The following SND1 variants were observed in gnomAD, a reference collection of about 807,000 sequenced individuals.
SND1 encodes staphylococcal nuclease domain-containing protein 1.
Under a neutral mutation model 121.7 loss-of-function variants are expected in SND1, and 38 were observed. The ratio of observed to expected loss-of-function variants is 0.31; its 90% confidence interval spans 0.24 to 0.41. The LOEUF (loss-of-function observed/expected upper bound fraction) is 0.41. Ranked by LOEUF, SND1 falls within the 10% of genes least tolerant of loss-of-function variation. The pLI, the probability that SND1 is intolerant of heterozygous loss-of-function variation, is 1.00. For synonymous variants in SND1, 401 were observed against 447.4 expected (o/e 0.90, Z 1.31); for missense variants, 868 against 1,184.6 (o/e 0.73, Z 3.92).
chr7:127,740,511 G>T (rs920220479), intron 10 of SND1, among the ~76,000 whole-genome samples: 1 of 152,182 alleles, frequency 6.6e-6, no homozygotes, highest in African/African-American at 2.4e-5. Context: ...CCTGCTTTGG[G>T]TCTGACTCTG....
At position 127,895,400 on chromosome 7, in the gene SND1, A is replaced by G. The variant is rs146814763; in HGVS notation, c.1454+7388A>G. Among the ~76,000 whole-genome samples, 139 of 152,230 alleles carry G rather than the reference A, an allele frequency of 9.1e-4. 1 individual carries two copies. The highest frequency in any genetic ancestry group is 3.4e-3 in the Middle Eastern group (1 of 294). ...TTCACCCTCTGCATTACATCATGCC[A>G]GTACAGGTTGAAAGCCAGCACAGAG... On this transcript the variant is annotated intron_variant, in intron 13 of 23. Transcript: ENST00000354725.
intron 12 of SND1, among the ~76,000 whole-genome samples, chr7:127,846,064 A>G (rs1799056177): frequency 2.0e-5 from 3 of 152,114 alleles, no homozygotes; most frequent in Admixed American, 2.0e-4. Flanking sequence ...TGTCTGTTCT[A>G]GTCTGGGTTT....
chr7:128,023,813 G>C (rs1803413357), intron 16 of SND1, among the ~76,000 whole-genome samples: 1 of 152,146 alleles, frequency 6.6e-6, no homozygotes. Flanking sequence ...CTGTTATCTA[G>C]CATTTGCTAT....
At chr7:127,795,490 A>C (rs1432668202) in intron 10 of SND1, among the ~76,000 whole-genome samples, 7 of 152,210 alleles carry the variant, frequency 4.6e-5, no homozygotes. Flanking sequence ...GTCACACATA[A>C]AATATTTTTA....
At chr7:128,031,414 G>A (rs2116988902) in intron 16 of SND1, 4 of 151,926 alleles carry the variant, frequency 2.6e-5, no homozygotes, top group South Asian at 2.1e-4. Flanking sequence ...GGCCGCTCCG[G>A]GCCGGCGGCA....
At chr7:127,821,234 G>T (rs754933884) in intron 11 of SND1, among the ~76,000 whole-genome samples, 2 of 152,242 alleles carry the variant, frequency 1.3e-5, no homozygotes, top group African/African-American at 2.4e-5. Flanking sequence ...ATGGGCCAGT[G>T]TATGTGTGTC....
At chr7:127,701,970 GTGGT>G (rs1387135927) in intron 5 of SND1, among the ~76,000 whole-genome samples, 4 of 152,188 alleles carry the variant, frequency 2.6e-5, no homozygotes, top group Non-Finnish European at 5.9e-5. Context: ...TTTTTGACCT[GTGGT>G]TGGTTGACTC....
At chr7:128,071,649 A>G (rs322837) in intron 16 of SND1, among the ~76,000 whole-genome samples, 108,963 of 152,220 alleles carry the variant, frequency 0.72, 40,493 homozygotes, top group African/African-American at 0.91. Context: ...CCCAGAGTTC[A>G]AGAAGCGTCA....
At chr7:127,657,463 C>G (rs1221447272) in intron 1 of SND1, among the ~76,000 whole-genome samples, 1 of 152,104 alleles carries the variant, frequency 6.6e-6, no homozygotes, top group African/African-American at 2.4e-5. Flanking sequence ...AATGCAAAGC[C>G]CCTGGGGTTT....
chr7:127,664,827 G>A (rs1392053704), intron 1 of SND1, among the ~76,000 whole-genome samples: 3 of 152,188 alleles, frequency 2.0e-5, no homozygotes, highest in African/African-American at 7.2e-5. Context: ...CACCCAGTTG[G>A]TGTCTGCAGA....
intron 14 of SND1, among the ~76,000 whole-genome samples, chr7:127,928,745 T>A (rs1488906164): frequency 1.3e-5 from 2 of 152,068 alleles, no homozygotes; most frequent in African/African-American, 2.4e-5. Context: ...TGTGCCACCA[T>A]GCCCGGCTAA....
intron 16 of SND1, among the ~76,000 whole-genome samples, chr7:128,010,129 G>A (rs912291156): frequency 2.0e-5 from 3 of 152,188 alleles, no homozygotes; most frequent in South Asian, 2.1e-4. Flanking sequence ...CAGGCAGCAC[G>A]CTCCTGACAG....
At chr7:127,659,055 A>G (rs1032223623) in intron 1 of SND1, among the ~76,000 whole-genome samples, 2 of 152,244 alleles carry the variant, frequency 1.3e-5, no homozygotes, top group African/African-American at 4.8e-5. Flanking sequence ...TTTGTGCATT[A>G]TCAGGGAAAA....
chr7:127,887,800 G>T, intron 12 of SND1, 102 bp from the exon 13 acceptor site: 9 of 688,222 alleles, frequency 1.3e-5, no homozygotes, highest in Non-Finnish European at 2.3e-5. Context: ...CTCTCCCTCT[G>T]CCAGAATGCG....
At chr7:127,664,570 C>A (rs186090056) in intron 1 of SND1, among the ~76,000 whole-genome samples, 1 of 152,280 alleles carries the variant, frequency 6.6e-6, no homozygotes, top group Non-Finnish European at 1.5e-5. Context: ...GAGTTGTATA[C>A]TTTTATATAA....
chr7:128,030,610 G>T (rs1333833866), intron 16 of SND1: 1 of 1,578,528 alleles, frequency 6.3e-7, no homozygotes, highest in South Asian at 1.2e-5. Flanking sequence ...CAGGTGTGGT[G>T]GTGCACAGTT....
chr7:127,822,869 T>C (rs1442770378), intron 11 of SND1, among the ~76,000 whole-genome samples: 1 of 152,220 alleles, frequency 6.6e-6, no homozygotes, highest in Admixed American at 6.5e-5. Context: ...AGTGGTTTAG[T>C]GTATGGACTT....
At chr7:128,075,453 C>T (rs967842948) in intron 17 of SND1, among the ~76,000 whole-genome samples, 1 of 152,198 alleles carries the variant, frequency 6.6e-6, no homozygotes, top group Non-Finnish European at 1.5e-5. Context: ...CCATCTGGCT[C>T]AAAACTCACT....
chr7:128,021,619 T>C (rs1458388769), intron 16 of SND1, among the ~76,000 whole-genome samples: 1 of 152,152 alleles, frequency 6.6e-6, no homozygotes, highest in Non-Finnish European at 1.5e-5. Flanking sequence ...ATTGAGCAGG[T>C]AGTAACTTAT....
Sources: gnomAD v4.1 joint callset for allele counts (sites outside exome capture counted in the v4.1 genomes callset) on GRCh38, gnomAD v4.1.1 for gene constraint, MANE v1.5 for transcripts, NCBI Gene and HGNC (gene_info 2026-07-23, HGNC 2026-07-21) for gene names.